FAM13A: variants seen among roughly 807,000 people sequenced by gnomAD.
FAM13A encodes the protein family with sequence similarity 13 member A.
In FAM13A, 76 loss-of-function variants were observed where a neutral mutation model predicts 129.6. That is an observed-to-expected ratio of 0.59 (90% CI 0.49 to 0.71). The LOEUF (loss-of-function observed/expected upper bound fraction) is 0.71, where lower values mean the gene tolerates loss of function less well. Among genes scored for constraint, FAM13A ranks in the 30% least tolerant of loss-of-function variants. The probability of loss-of-function intolerance (pLI) is 0.00; values close to 1 mark genes in which losing one functional copy is unlikely to be tolerated. For missense variants in FAM13A, 1,108 were observed against 1,249.3 expected (o/e 0.89, Z 1.70); for synonymous variants, 443 against 449.9 (o/e 0.98, Z 0.20).
chr4:88,868,713 C>T (rs889053319), intron 6 of FAM13A, among the ~76,000 whole-genome samples: 2 of 152,194 alleles, frequency 1.3e-5, no homozygotes, highest in Non-Finnish European at 2.9e-5. Context: ...TGCACTTTCT[C>T]TCACATGCCT....
chr4:88,820,454 A>T (rs1731677368), intron 7 of FAM13A, among the ~76,000 whole-genome samples: 1 of 152,232 alleles, frequency 6.6e-6, no homozygotes, highest in Non-Finnish European at 1.5e-5. Flanking sequence ...CAAAGAGAAA[A>T]TATTAAACAA....
Position 88,727,836 on chromosome 4 carries a change from T to C in FAM13A, c.*697A>G, listed in dbSNP as rs1045856798. ...TTACCATCTCTCTGTCCTCTGCAGA[T>C]GACCCGGTCCTAGGCAGGGACCAAA... On this transcript the variant is annotated 3_prime_UTR_variant, in exon 24 of 24. Coordinates refer to ENST00000264344, the MANE Select transcript of FAM13A (RefSeq NM_014883.4). The C allele has an allele frequency of 6.6e-6, 1 of 152,296 alleles. No homozygotes were observed. Among genetic ancestry groups the C allele is most frequent in the African/African-American group, 2.4e-5 (1 of 41,468 alleles). The allele number at this position is 152,296 out of a possible 1,614,324, so 9.4% of individuals were successfully genotyped here.
chr4:88,950,632 G>GA (rs1160738333), intron 4 of FAM13A, among the ~76,000 whole-genome samples: 1 of 152,064 alleles, frequency 6.6e-6, no homozygotes. Flanking sequence ...TCCACTACCA[G>GA]AAAAAAGAGT....
At chr4:88,758,452 G>A (rs1309599449) in intron 14 of FAM13A, among the ~76,000 whole-genome samples, 2 of 151,794 alleles carry the variant, frequency 1.3e-5, no homozygotes, top group East Asian at 3.9e-4. Context: ...GTACTATGAG[G>A]GGGAAAAGAC....
intron 6 of FAM13A, among the ~76,000 whole-genome samples, chr4:88,886,670 G>A (rs1744473173): frequency 6.6e-6 from 1 of 151,982 alleles, no homozygotes; most frequent in African/African-American, 2.4e-5. Flanking sequence ...ACTTTGGGAG[G>A]CTGAAGTGGG....
chr4:88,896,289 A>C (rs1579169473), intron 6 of FAM13A, among the ~76,000 whole-genome samples: 1 of 117,570 alleles, frequency 8.5e-6, no homozygotes, highest in Non-Finnish European at 1.8e-5. Context: ...GGGAGGGGGG[A>C]GGGATACCAT....
In FAM13A at chr4:88,855,445, T is replaced by C. The variant is rs1321397080; in HGVS notation, c.844-4262A>G. ...ATACGTAAATTATGGCATATACACA[T>C]GATAAAGGATTACCCAGCCATTAAA... is the stretch of plus-strand genomic sequence containing the variant. On this transcript the variant is annotated intron_variant, in intron 6 of 23. Transcript: ENST00000264344. 2.6e-5 allele frequency: 4 copies of C among 152,064 alleles called. No homozygotes were observed. The East Asian group carries it at 7.7e-4, about 29-fold the overall frequency. The allele number at this position is 152,064 out of a possible 1,614,324, so 9.4% of individuals were successfully genotyped here.
chr4:88,752,507 T>A (rs1467795831), intron 14 of FAM13A, among the ~76,000 whole-genome samples: 1 of 152,194 alleles, frequency 6.6e-6, no homozygotes, highest in Non-Finnish European at 1.5e-5. Flanking sequence ...AAAATACAAA[T>A]ATTTTAAGAA....
At chr4:88,972,675 T>TTGG (rs1760294100) in intron 4 of FAM13A, among the ~76,000 whole-genome samples, 1 of 152,028 alleles carries the variant, frequency 6.6e-6, no homozygotes, top group Middle Eastern at 3.4e-3. Context: ...TGGTGTGATC[T>TTGG]TGGCTCACTG....
At chr4:88,745,251 G>A (rs1741076357) in intron 19 of FAM13A, among the ~76,000 whole-genome samples, 2 of 152,072 alleles carry the variant, frequency 1.3e-5, no homozygotes, top group Admixed American at 6.6e-5. Flanking sequence ...AAGCACCAAG[G>A]CTCTGAGAGG....
At chr4:88,847,548 CTCAGA>C (rs1177883237) in intron 7 of FAM13A, among the ~76,000 whole-genome samples, 3 of 152,202 alleles carry the variant, frequency 2.0e-5, no homozygotes, top group Non-Finnish European at 2.9e-5. Flanking sequence ...TGATTTGTAT[CTCAGA>C]AATACTGATT....
intron 1 of FAM13A, among the ~76,000 whole-genome samples, chr4:89,046,263 G>A (rs945178438): frequency 2.0e-5 from 3 of 152,040 alleles, no homozygotes; most frequent in Non-Finnish European, 4.4e-5. Context: ...GTATAACCAT[G>A]TAATATGAAG....
chr4:88,758,478 C>G (rs1578519719), intron 14 of FAM13A, among the ~76,000 whole-genome samples: 1 of 151,640 alleles, frequency 6.6e-6, no homozygotes, highest in East Asian at 1.9e-4. Flanking sequence ...CATATCAGCA[C>G]TCCCGGTGAG....
rs988438339 is a variant in FAM13A, at chr4:88,774,382, T to C, written c.1459-6323A>G. 7.9e-5 allele frequency among the ~76,000 whole-genome samples: 12 copies of C among 152,318 alleles called. 1 individual carries two copies. The East Asian group carries it at 2.3e-3, about 29-fold the overall frequency. Reference sequence around the variant, plus strand: ...GTCTGTTTTGATCACATTGTGTCCTTAGTGTTGAAAATAGTGCTTGTCATA... The same window carrying C: ...GTCTGTTTTGATCACATTGTGTCCTCAGTGTTGAAAATAGTGCTTGTCATA... On this transcript the variant is annotated intron_variant, in intron 11 of 23. Coordinates refer to ENST00000264344, the MANE Select transcript of FAM13A (RefSeq NM_014883.4).
At chr4:88,979,610 G>C (rs1057276731) in intron 4 of FAM13A, among the ~76,000 whole-genome samples, 6 of 152,062 alleles carry the variant, frequency 3.9e-5, no homozygotes, top group African/African-American at 1.4e-4. Flanking sequence ...TAGATACAAA[G>C]CATCTATAAC....
chr4:88,822,617 T>C (rs72870601), intron 7 of FAM13A, among the ~76,000 whole-genome samples: 11,481 of 152,226 alleles, frequency 0.075, 1,273 homozygotes, highest in African/African-American at 0.25. Context: ...TCCTTTAAAA[T>C]AGCCTTAGCA....
At chr4:88,964,548 T>C (rs1390826345) in intron 4 of FAM13A, among the ~76,000 whole-genome samples, 1 of 151,736 alleles carries the variant, frequency 6.6e-6, no homozygotes, top group Non-Finnish European at 1.5e-5. Flanking sequence ...CACAGCACCA[T>C]CTAGTCATAA....
intron 3 of FAM13A, among the ~76,000 whole-genome samples, chr4:89,017,638 A>T (rs1243910992): frequency 6.6e-6 from 1 of 152,164 alleles, no homozygotes; most frequent in East Asian, 1.9e-4. Context: ...TGACTACCAA[A>T]TATTTTGCAT....
chr4:88,791,706 C>G (rs888797310), intron 8 of FAM13A, among the ~76,000 whole-genome samples: 3 of 152,032 alleles, frequency 2.0e-5, no homozygotes, highest in Non-Finnish European at 4.4e-5. Context: ...TTCAATTACT[C>G]CAAACATTCT....
Sources: gnomAD v4.1 joint callset for allele counts (sites outside exome capture counted in the v4.1 genomes callset) on GRCh38, gnomAD v4.1.1 for gene constraint, MANE v1.5 for transcripts, NCBI Gene and HGNC (gene_info 2026-07-23, HGNC 2026-07-21) for gene names.